Variants in MALT1 observed in about 807,000 individuals in gnomAD.
MALT1 encodes the protein MALT1 paracaspase.
In MALT1, 36 loss-of-function variants were observed where a neutral mutation model predicts 85.5. The observed-to-expected ratio is 0.42, with a 90% confidence interval of 0.32 to 0.56. The LOEUF is 0.56. Among genes scored for constraint, MALT1 ranks in the 20% least tolerant of loss-of-function variants. The probability of loss-of-function intolerance (pLI) is 0.10; values close to 1 mark genes in which losing one functional copy is unlikely to be tolerated. For synonymous variants in MALT1, 359 were observed against 361.3 expected, an observed-to-expected ratio of 0.99 and a Z score of 0.07; for missense variants, 716 against 981.6, an observed-to-expected ratio of 0.73 and a Z score of 3.62.
At position 58,752,321 on chromosome 18, in the gene MALT1, CAG is replaced by C. The variant is rs953868627; in HGVS notation, c.*4481_*4482del. On this transcript the variant is annotated 3_prime_UTR_variant, in exon 17 of 17. Coordinates refer to ENST00000649217, the MANE Select transcript of MALT1 (RefSeq NM_006785.4). The stretch of plus-strand genomic sequence containing the variant: ...TTACTTTTAAGGGTTTTTTTCCAAA[CAG>C]ACGTCCTGACAATGTTGTTTCCTAT... 4 of 152,098 alleles carry C rather than the reference CAG, an allele frequency of 2.6e-5. No individual in the cohort carries two copies. Among genetic ancestry groups the C allele is most frequent in the African/African-American group, 7.2e-5 (3 of 41,426 alleles). The allele number at this position is 152,098 out of a possible 1,614,324, so 9.4% of individuals were successfully genotyped here. A position where few individuals can be genotyped will look rare whatever the true frequency, so the allele number is the denominator to read the frequency against.
chr18:58,705,098 T>TA (rs1209541967), intron 4 of MALT1, among the ~76,000 whole-genome samples: 1 of 152,132 alleles, frequency 6.6e-6, no homozygotes, highest in Non-Finnish European at 1.5e-5. Context: ...TTTAGCTGTG[T>TA]CTTAGTGTTA....
intron 10 of MALT1, among the ~76,000 whole-genome samples, chr18:58,731,253 G>A (rs1037649468): frequency 5.9e-5 from 9 of 151,946 alleles, no homozygotes; most frequent in Admixed American, 2.0e-4. Flanking sequence ...GCGCCTGGCC[G>A]TCATTAGTCT....
intron 8 of MALT1, 82 bp from the exon 9 acceptor site, chr18:58,715,853 G>A: frequency 1.1e-6 from 1 of 884,676 alleles, no homozygotes; most frequent in Non-Finnish European, 1.9e-6. Context: ...TGATGCTGCT[G>A]ATGTTATATA....
In MALT1 at chr18:58,714,053, C is replaced by T. The variant is rs147805234; in HGVS notation, c.959-30C>T. ...TTGTGCTAAATTGGTGTTTAGATTA[C>T]TTAATCTATTTTCTCTTACTTTGTT... On this transcript the variant is annotated intron_variant, in intron 7 of 16. Transcript: ENST00000649217. 15 of 1,074,268 alleles carry T rather than the reference C, an allele frequency of 1.4e-5. No homozygotes were observed. The East Asian group carries it at 3.2e-4, about 23-fold the overall frequency. The allele number at this position is 1,074,268 out of a possible 1,614,324, so 66.5% of individuals were successfully genotyped here. A position where few individuals can be genotyped will look rare whatever the true frequency, so the allele number is the denominator to read the frequency against.
intron 13 of MALT1, among the ~76,000 whole-genome samples, chr18:58,736,990 A>G (rs193123412): frequency 1.5e-3 from 235 of 152,348 alleles, no homozygotes; most frequent in African/African-American, 5.4e-3. Context: ...AAGTCATCCA[A>G]TTTTGAAACA....
At chr18:58,734,057 T>C (rs1268918709) in intron 11 of MALT1, 1 of 1,297,352 alleles carries the variant, frequency 7.7e-7, no homozygotes, top group African/African-American at 1.5e-5. Context: ...TACTATTTTT[T>C]TGCTTGCTCA....
chr18:58,738,123 C>T (rs1433834077), intron 13 of MALT1, among the ~76,000 whole-genome samples: 1 of 152,180 alleles, frequency 6.6e-6, no homozygotes, highest in African/African-American at 2.4e-5. Flanking sequence ...CCTTCCCCCA[C>T]TCCATGATAA....
intron 1 of MALT1, among the ~76,000 whole-genome samples, chr18:58,677,111 TAAAAAG>T (rs956018684): frequency 4.6e-5 from 7 of 152,092 alleles, no homozygotes; most frequent in Non-Finnish European, 8.8e-5. Flanking sequence ...GAATGTAACT[TAAAAAG>T]GAAAGAAAGA....
intron 13 of MALT1, 72 bp from the exon 14 acceptor site, chr18:58,741,793 G>A: frequency 1.1e-6 from 1 of 921,760 alleles, no homozygotes; most frequent in Non-Finnish European, 1.6e-6. Context: ...ATGTAGGATA[G>A]TTCTTAGCCT....
intron 2 of MALT1, among the ~76,000 whole-genome samples, chr18:58,681,640 AG>A (rs1171124392): frequency 6.6e-6 from 1 of 152,172 alleles, no homozygotes; most frequent in Non-Finnish European, 1.5e-5. Flanking sequence ...TTTTTTTAAA[AG>A]GAGATGCATT....
At chr18:58,734,403 G>A (rs142428431) in intron 12 of MALT1, 22 bp downstream of exon 12, 41 of 1,592,432 alleles carry the variant, frequency 2.6e-5, no homozygotes, top group Admixed American at 5.0e-5. Flanking sequence ...TGATGTTTAC[G>A]TTGAAGTTTC....
At chr18:58,714,017 A>T (rs1246752111) in intron 7 of MALT1, 66 bp from the exon 8 acceptor site, 1 of 756,666 alleles carries the variant, frequency 1.3e-6, no homozygotes, top group Non-Finnish European at 2.3e-6. Context: ...TACTTGGATT[A>T]GTCTTACTAT....
At chr18:58,693,274 T>C (rs189711716) in intron 2 of MALT1, among the ~76,000 whole-genome samples, 67 of 152,080 alleles carry the variant, frequency 4.4e-4, no homozygotes, top group African/African-American at 1.6e-3. Flanking sequence ...TACAAAAAAT[T>C]AGCCAGGCAC....
Position 58,753,698 on chromosome 18 carries a change from T to G in MALT1, c.*5856T>G, listed in dbSNP as rs937194516. 2.0e-5 allele frequency: 3 copies of G among 152,240 alleles called. No individual in the cohort carries two copies. In the South Asian group the frequency reaches 6.2e-4, roughly 31 times the overall value. 9.4% of individuals were successfully genotyped at this position (152,240 alleles called of 1,614,324 possible). A position where few individuals can be genotyped will look rare whatever the true frequency, so the allele number is the denominator to read the frequency against. On this transcript the variant is annotated 3_prime_UTR_variant, in exon 17 of 17. Coordinates refer to ENST00000649217, the MANE Select transcript of MALT1 (RefSeq NM_006785.4). ...TTTCTTTGCTTGTTTACCTGTGTCT[T>G]GCAGATTTTACACAGTGAACAATGA...
intron 1 of MALT1, among the ~76,000 whole-genome samples, chr18:58,675,839 C>G (rs1317670047): frequency 1.3e-5 from 2 of 152,204 alleles, no homozygotes; most frequent in Non-Finnish European, 1.5e-5. Context: ...TATGTAAACA[C>G]TTGTTTGCCA....
chr18:58,744,709 G>A (rs1772586169), intron 15 of MALT1, among the ~76,000 whole-genome samples: 1 of 152,048 alleles, frequency 6.6e-6, no homozygotes, highest in South Asian at 2.1e-4. Context: ...GTTCACTCAG[G>A]AAGGATGCCT....
chr18:58,722,428 A>C (rs2054997653), intron 9 of MALT1, among the ~76,000 whole-genome samples: 1 of 152,228 alleles, frequency 6.6e-6, no homozygotes, highest in Non-Finnish European at 1.5e-5. Context: ...CAAAATCTTC[A>C]CATACCCCTG....
chr18:58,696,067 TG>T (rs1302362075), intron 2 of MALT1, among the ~76,000 whole-genome samples: 1 of 152,160 alleles, frequency 6.6e-6, no homozygotes, highest in Non-Finnish European at 1.5e-5. Flanking sequence ...TGTTAGAATA[TG>T]GGGGAAAAAA....
chr18:58,718,031 CTAAG>C (rs967617052), intron 9 of MALT1, among the ~76,000 whole-genome samples: 4 of 152,164 alleles, frequency 2.6e-5, no homozygotes, highest in Admixed American at 6.6e-5. Flanking sequence ...TGCTAATAAA[CTAAG>C]TGTTTTCACC....
Sources: gnomAD v4.1 joint callset for allele counts (sites outside exome capture counted in the v4.1 genomes callset) on GRCh38, gnomAD v4.1.1 for gene constraint, MANE v1.5 for transcripts, NCBI Gene and HGNC (gene_info 2026-07-23, HGNC 2026-07-21) for gene names.